The following KIR3DL2 variants were observed in gnomAD, a reference collection of about 807,000 sequenced individuals.
The protein encoded by KIR3DL2 is killer cell immunoglobulin like receptor, three Ig domains and long cytoplasmic tail 2.
A neutral mutation model predicts 41.6 loss-of-function variants in KIR3DL2; 42 were observed. The ratio of observed to expected loss-of-function variants is 1.01; its 90% CI spans 0.79 to 1.31. The LOEUF (loss-of-function observed/expected upper bound fraction) is 1.31, where lower values mean the gene tolerates loss of function less well. Among genes scored for constraint, KIR3DL2 ranks in the 50% most tolerant of loss-of-function variants. KIR3DL2 has a pLI of 0.00. For synonymous variants in KIR3DL2, 230 were observed against 221.3 expected, an observed-to-expected ratio of 1.04 and a Z score of -0.35; for missense variants, 728 against 576.8, an observed-to-expected ratio of 1.26 and a Z score of -2.68.
At chr19:54,860,190 G>A (rs1407915578) in intron 6 of KIR3DL2, among the ~76,000 whole-genome samples, 7 of 151,992 alleles carry the variant, frequency 4.6e-5, no homozygotes, top group Non-Finnish European at 8.8e-5. Context: ...GGACATTTTT[G>A]GGGTGGGACA....
In KIR3DL2 at chr19:54,855,482, G is replaced by T. The variant is rs1342265474; in HGVS notation, c.656-137G>T. 1.5e-5 allele frequency: 20 copies of T among 1,335,212 alleles called. No individual in the cohort carries two copies. The East Asian group carries it at 4.7e-4, about 31-fold the overall frequency. 82.7% of individuals were successfully genotyped at this position (1,335,212 alleles called of 1,614,324 possible). A position where few individuals can be genotyped will look rare whatever the true frequency, so the allele number is the denominator to read the frequency against. ...GAAGGCGGAAGGAGGAAATAGACAT[G>T]AAGAGAGTTGGGGTGGAGGGTGAGA... On this transcript the variant is annotated intron_variant, in intron 4 of 8. Coordinates refer to ENST00000326321, the MANE Select transcript of KIR3DL2 (RefSeq NM_006737.4).
At chr19:54,852,909 A>T (rs2064405928) in intron 3 of KIR3DL2, among the ~76,000 whole-genome samples, 6 of 149,374 alleles carry the variant, frequency 4.0e-5, no homozygotes, top group Admixed American at 3.3e-4. Flanking sequence ...CAGCAGCAAC[A>T]GGAAACCGAC....
chr19:54,856,006 C>G (rs2064742048), intron 5 of KIR3DL2, 94 bp downstream of exon 5: 2 of 1,452,014 alleles, frequency 1.4e-6, no homozygotes, highest in Middle Eastern at 1.8e-4. Flanking sequence ...TGGACAGATG[C>G]AGAGAGAACA....
At chr19:54,860,539 CTT>C (rs1465157288) in intron 6 of KIR3DL2, among the ~76,000 whole-genome samples, 1 of 151,924 alleles carries the variant, frequency 6.6e-6, no homozygotes, top group East Asian at 1.9e-4. Context: ...CCGGCTAACT[CTT>C]TTTGCATATT....
chr19:54,856,037 G>C, intron 5 of KIR3DL2, 125 bp downstream of exon 5: 1 of 1,240,502 alleles, frequency 8.1e-7, no homozygotes, highest in South Asian at 1.4e-5. Flanking sequence ...GTGTGAGGGG[G>C]GGGTCAGGGT....
chr19:54,857,110 A>G (rs1055318801), intron 5 of KIR3DL2, among the ~76,000 whole-genome samples: 5 of 150,878 alleles, frequency 3.3e-5, no homozygotes, highest in African/African-American at 1.2e-4. Context: ...CTTTTTTGAG[A>G]AAGAGTTTCC....
At chr19:54,852,317 C>A (rs2064341591) in intron 3 of KIR3DL2, 35 bp downstream of exon 3, 1 of 1,593,736 alleles carries the variant, frequency 6.3e-7, no homozygotes, top group Non-Finnish European at 8.5e-7. Context: ...CTCACTGTCC[C>A]ACCTCCTGAA....
At chr19:54,855,149 A>G (rs1219601436) in intron 4 of KIR3DL2, among the ~76,000 whole-genome samples, 1 of 151,432 alleles carries the variant, frequency 6.6e-6, no homozygotes, top group Non-Finnish European at 1.5e-5. Context: ...ATAGAGAGAG[A>G]GAGAGATGAT....
In KIR3DL2 at chr19:54,855,653, G is replaced by A. The variant is rs1459260780; in HGVS notation, c.690G>A (p.Pro230=). The A allele has an allele frequency of 1.7e-5, 27 of 1,613,282 alleles. No individual in the cohort carries two copies. The highest frequency in any genetic ancestry group is 1.1e-4 in the South Asian group (10 of 91,080). ...AGAAACCTTCTCTCTCAGCCCAGCC[G>A]GGCCCCACGGTTCAGGCAGGAGAGA... ...LYEKPSLSAQ[P]GPTVQAGENV... Residue 230 remains proline, a synonymous_variant, in exon 5 of 9, where the codon CCG becomes CCA. Transcript: ENST00000326321.
chr19:54,855,036 C>T (rs2145606470), intron 4 of KIR3DL2, among the ~76,000 whole-genome samples: 1 of 66,418 alleles, frequency 1.5e-5, no homozygotes, highest in South Asian at 4.3e-4. Context: ...ATAGATGATA[C>T]ATAGAGATGA....
intron 6 of KIR3DL2, among the ~76,000 whole-genome samples, chr19:54,860,563 G>A (rs1466922603): frequency 6.6e-6 from 1 of 151,928 alleles, no homozygotes; most frequent in Non-Finnish European, 1.5e-5. Flanking sequence ...TCTGTAGAGA[G>A]GATGTTTCAC....
At chr19:54,866,012 C>A (rs1421809045) in intron 7 of KIR3DL2, 103 bp downstream of exon 7, 2 of 1,104,336 alleles carry the variant, frequency 1.8e-6, no homozygotes, top group Middle Eastern at 2.4e-4. Flanking sequence ...GTCCCTGGCC[C>A]AAGGGAGGAG....
In KIR3DL2 at chr19:54,850,446, G is replaced by A. The variant is rs755145183; in HGVS notation, c.-30G>A. 2.4e-5 allele frequency: 39 copies of A among 1,608,152 alleles called. No individual in the cohort carries two copies. In the African/African-American group the frequency reaches 2.5e-4, roughly 10 times the overall value. On this transcript the variant is annotated 5_prime_UTR_variant, in exon 1 of 9. Coordinates refer to ENST00000326321, the MANE Select transcript of KIR3DL2 (RefSeq NM_006737.4). ...CTGTGCGCTGCTGAGCTGAGCTGGGGCGCGGCCTCCTGTCTGCACCGGCAG... is the reference window on the plus strand; with the variant it reads ...CTGTGCGCTGCTGAGCTGAGCTGGGACGCGGCCTCCTGTCTGCACCGGCAG...
intron 6 of KIR3DL2, among the ~76,000 whole-genome samples, chr19:54,861,925 C>G (rs532127117): frequency 3.9e-5 from 6 of 151,992 alleles, no homozygotes; most frequent in Non-Finnish European, 8.8e-5. Flanking sequence ...ACCCAAATCC[C>G]CCACCTCACC....
At chr19:54,854,881 C>T (rs1321665172) in intron 4 of KIR3DL2, among the ~76,000 whole-genome samples, 1 of 151,266 alleles carries the variant, frequency 6.6e-6, no homozygotes, top group African/African-American at 2.4e-5. Flanking sequence ...TGCAGAGATT[C>T]CAAATAGAAC....
At chr19:54,857,687 G>A (rs2064891271) in intron 5 of KIR3DL2, among the ~76,000 whole-genome samples, 1 of 151,660 alleles carries the variant, frequency 6.6e-6, no homozygotes, top group African/African-American at 2.4e-5. Flanking sequence ...AAGTAGCTGG[G>A]ATTACAGGCA....
At chr19:54,855,961 G>A (rs1276813352) in intron 5 of KIR3DL2, 49 bp downstream of exon 5, 1 of 1,595,402 alleles carries the variant, frequency 6.3e-7, no homozygotes, top group Admixed American at 1.7e-5. Flanking sequence ...TAGAGCCATA[G>A]CTGAGGAGCT....
At chr19:54,852,647 C>T (rs2064379466) in intron 3 of KIR3DL2, among the ~76,000 whole-genome samples, 1 of 150,986 alleles carries the variant, frequency 6.6e-6, no homozygotes, top group Non-Finnish European at 1.5e-5. Context: ...GGGATTAGAG[C>T]AGTGTAGTGG....
intron 6 of KIR3DL2, among the ~76,000 whole-genome samples, chr19:54,864,982 C>T (rs2065407211): frequency 6.6e-6 from 1 of 152,046 alleles, no homozygotes; most frequent in African/African-American, 2.4e-5. Context: ...CAGTATGATA[C>T]TGGCTGTGGG....
Sources: allele counts gnomAD v4.1 joint callset (sites outside exome capture counted in the v4.1 genomes callset), GRCh38; gene constraint gnomAD v4.1.1; transcripts MANE v1.5; gene names NCBI Gene and HGNC (gene_info 2026-07-23, HGNC 2026-07-21).